The following ARIH1 variants were observed in gnomAD, a reference collection of about 807,000 sequenced individuals.
The protein encoded by ARIH1 is E3 ubiquitin-protein ligase ARIH1.
Under a neutral mutation model 85.0 loss-of-function variants are expected in ARIH1, and 8 were observed. The observed-to-expected ratio is 0.09, with a 90% CI of 0.06 to 0.17. The LOEUF is 0.17. ARIH1 is among the 10% of genes least tolerant of loss of function. The pLI is 1.00. For synonymous variants in ARIH1, 238 were observed against 253.6 expected, an observed-to-expected ratio of 0.94 and a Z score of 0.59; for missense variants, 311 against 718.1, an observed-to-expected ratio of 0.43 and a Z score of 6.48.
chr15:72,510,006 T>C (rs1366667250), intron 1 of ARIH1, among the ~76,000 whole-genome samples: 1 of 151,812 alleles, frequency 6.6e-6, no homozygotes, highest in South Asian at 2.1e-4. Context: ...ATCTTTGAAC[T>C]CCTTAGCTCA....
Position 72,570,260 on chromosome 15 carries a change from G to A in ARIH1, c.1110G>A (p.Glu370=). ...MVCRNQNCKA[E]FCWVCLGPWE... is the part of the protein sequence containing the mutation. ...GTCGTAACCAGAATTGTAAAGCAGAGTTTTGCTGGGTGTGTCTTGGCCCAT... is the reference window on the plus strand; with the variant it reads ...GTCGTAACCAGAATTGTAAAGCAGAATTTTGCTGGGTGTGTCTTGGCCCAT... The change falls in exon 10 of 14, where the codon GAG becomes GAA. Residue 370 remains glutamate (E), a synonymous_variant. Transcript: ENST00000379887. 6.2e-7 allele frequency: 1 copy of A among 1,614,102 alleles called. No homozygotes were observed. Among genetic ancestry groups the A allele is most frequent in the South Asian group, 1.1e-5 (1 of 91,090 alleles).
At chr15:72,566,282 T>C (rs1162531362) in intron 7 of ARIH1, 3 of 392,306 alleles carry the variant, frequency 7.6e-6, no homozygotes, top group East Asian at 9.8e-5. Context: ...CTCAATATAG[T>C]CTGAGGCACC....
At position 72,586,032 on chromosome 15, in the gene ARIH1, T is replaced by A. The variant is rs992672471; in HGVS notation, c.*2740T>A. ...CAGCAGCAGATGGACTTTCAGTGAT[T>A]TAAAATAAAATTTTGATCCAAAGCT... On this transcript the variant is annotated 3_prime_UTR_variant, in exon 14 of 14. Coordinates refer to ENST00000379887, the MANE Select transcript of ARIH1 (RefSeq NM_005744.5). The A allele has an allele frequency of 6.6e-6, 1 of 152,190 alleles. No individual in the cohort carries two copies. Among genetic ancestry groups the A allele is most frequent in the Non-Finnish European group, 1.5e-5 (1 of 68,030 alleles). 9.4% of individuals were successfully genotyped at this position (152,190 alleles called of 1,614,324 possible).
intron 5 of ARIH1, among the ~76,000 whole-genome samples, chr15:72,559,402 T>A (rs2064188362): frequency 6.6e-6 from 1 of 152,084 alleles, no homozygotes; most frequent in African/African-American, 2.4e-5. Flanking sequence ...CCTGAGTAGC[T>A]GGGATTACAG....
intron 9 of ARIH1, among the ~76,000 whole-genome samples, chr15:72,569,890 T>G (rs922627697): frequency 5.9e-5 from 9 of 152,162 alleles, no homozygotes; most frequent in Admixed American, 6.6e-5. Context: ...ATTGGGCCTC[T>G]GAATAGCCAC....
chr15:72,500,996 C>T (rs117375536), intron 1 of ARIH1, among the ~76,000 whole-genome samples: 11 of 152,262 alleles, frequency 7.2e-5, no homozygotes, highest in East Asian at 1.9e-4. Context: ...TTTATGTAGA[C>T]GTGTTCTTAG....
intron 2 of ARIH1, among the ~76,000 whole-genome samples, chr15:72,532,724 A>G (rs2064063230): frequency 6.6e-6 from 1 of 152,248 alleles, no homozygotes; most frequent in Non-Finnish European, 1.5e-5. Flanking sequence ...GAATTCAGCA[A>G]TACATATATA....
chr15:72,527,730 T>C (rs1335143289), intron 2 of ARIH1, among the ~76,000 whole-genome samples: 1 of 152,338 alleles, frequency 6.6e-6, no homozygotes, highest in East Asian at 1.9e-4. Context: ...TTCCTAATTT[T>C]CCTTCAAAAC....
At chr15:72,480,164 C>T (rs940356403) in intron 1 of ARIH1, among the ~76,000 whole-genome samples, 4 of 152,062 alleles carry the variant, frequency 2.6e-5, no homozygotes, top group African/African-American at 4.8e-5. Context: ...CCACCGTGCC[C>T]GGTCAACAGT....
intron 8 of ARIH1, 88 bp from the exon 9 acceptor site, chr15:72,567,018 T>C (rs957446897): frequency 4.1e-6 from 4 of 976,550 alleles, no homozygotes; most frequent in African/African-American, 1.7e-5. Context: ...GGCTTTTACA[T>C]TTAAGCTTGA....
At chr15:72,502,035 A>G (rs2063906065) in intron 1 of ARIH1, among the ~76,000 whole-genome samples, 2 of 152,240 alleles carry the variant, frequency 1.3e-5, no homozygotes, top group South Asian at 2.1e-4. Context: ...ATGCAAAGTC[A>G]TAGACTGCTA....
Position 72,505,088 on chromosome 15 carries a change from T to C in ARIH1, c.376-12979T>C, listed in dbSNP as rs116813427. Among the ~76,000 whole-genome samples the C allele has an allele frequency of 1.2e-3, 183 of 152,328 alleles. 1 individual carries two copies. Among genetic ancestry groups the C allele is most frequent in the African/African-American group, 4.1e-3 (171 of 41,574 alleles). On this transcript the variant is annotated intron_variant, in intron 1 of 13. Transcript: ENST00000379887. ...CAAGAGCATTACTTCCTGTAGCTTA[T>C]ATCAGTGCTCCTCAAACTTTAACAT...
intron 2 of ARIH1, among the ~76,000 whole-genome samples, chr15:72,519,404 A>G (rs912407720): frequency 6.8e-6 from 1 of 147,232 alleles, no homozygotes; most frequent in African/African-American, 2.5e-5. Context: ...AAGCTTTCCC[A>G]TGGTTCATGA....
chr15:72,517,162 AACT>A (rs1171068526), intron 1 of ARIH1, among the ~76,000 whole-genome samples: 1 of 152,216 alleles, frequency 6.6e-6, no homozygotes, highest in East Asian at 1.9e-4. Flanking sequence ...ATGCCCTGTA[AACT>A]ACTATGTGGT....
At chr15:72,482,132 G>A (rs985594432) in intron 1 of ARIH1, among the ~76,000 whole-genome samples, 27 of 152,094 alleles carry the variant, frequency 1.8e-4, no homozygotes, top group African/African-American at 5.8e-4. Flanking sequence ...CACTGCACCC[G>A]GCCAGTATTT....
chr15:72,483,560 G>C (rs1317976122), intron 1 of ARIH1, among the ~76,000 whole-genome samples: 1 of 152,182 alleles, frequency 6.6e-6, no homozygotes, highest in Non-Finnish European at 1.5e-5. Context: ...GTCTCTCTCT[G>C]TTAAGAGGTA....
intron 3 of ARIH1, among the ~76,000 whole-genome samples, chr15:72,553,695 G>C (rs1464365819): frequency 6.6e-6 from 1 of 152,188 alleles, no homozygotes; most frequent in African/African-American, 2.4e-5. Context: ...CGAGGTGGGT[G>C]GATCACGAGG....
intron 3 of ARIH1, among the ~76,000 whole-genome samples, chr15:72,552,487 G>A (rs551099076): frequency 2.0e-5 from 3 of 152,120 alleles, no homozygotes; most frequent in East Asian, 3.9e-4. Flanking sequence ...ACAGGGTTTC[G>A]CCATGTTGGC....
At position 72,587,186 on chromosome 15, in the gene ARIH1, C is replaced by G. The variant is rs1240490872; in HGVS notation, c.*3894C>G. 5.9e-6 allele frequency: 3 copies of G among 506,950 alleles called. No homozygotes were observed. Among genetic ancestry groups the G allele is most frequent in the Non-Finnish European group, 1.2e-5 (3 of 245,586 alleles). 31.4% of individuals were successfully genotyped at this position (506,950 alleles called of 1,614,324 possible). A position where few individuals can be genotyped will look rare whatever the true frequency, so the allele number is the denominator to read the frequency against. On this transcript the variant is annotated 3_prime_UTR_variant, in exon 14 of 14. Coordinates refer to ENST00000379887, the MANE Select transcript of ARIH1 (RefSeq NM_005744.5). ...GATAAGGCTCACTGAGGTTAAATAA[C>G]TCCCTCAATTTTTCATTTCCTTCTA...
Sources: gnomAD v4.1 joint callset for allele counts (sites outside exome capture counted in the v4.1 genomes callset) on GRCh38, gnomAD v4.1.1 for gene constraint, MANE v1.5 for transcripts, NCBI Gene and HGNC (gene_info 2026-07-23, HGNC 2026-07-21) for gene names.